IKZF4: variants seen among roughly 807,000 people sequenced by gnomAD.
The protein encoded by IKZF4 is IKAROS family zinc finger 4.
In IKZF4, 11 loss-of-function variants were observed where a neutral mutation model predicts 47.7. That is an observed-to-expected ratio of 0.23 (90% CI 0.15 to 0.38). The LOEUF (loss-of-function observed/expected upper bound fraction) is 0.38. Ranked by LOEUF, IKZF4 falls within the 10% of genes least tolerant of loss-of-function variation. The pLI is 1.00. For missense variants in IKZF4, 557 were observed against 784.9 expected (o/e 0.71, Z 3.47); for synonymous variants, 298 against 299.4 (o/e 1.00, Z 0.05).
chr12:56,032,643 C>T lies in IKZF4; in HGVS notation c.798C>T (p.His266=), dbSNP rs369671108. 3 of 1,613,928 alleles carry T rather than the reference C, an allele frequency of 1.9e-6. No homozygotes were observed. The highest frequency in any genetic ancestry group is 2.5e-6 in the Non-Finnish European group (3 of 1,179,916). The change falls in exon 6 of 8, where the codon CAC becomes CAT. Residue 266 remains histidine (H), a synonymous_variant. Transcript: ENST00000547167. ...AACAGCAGAGTACCCTGGAGGAGCA[C>T]AAGGAGCGGTGCCATAACTACCTAC... ...SYKQQSTLEE[H]KERCHNYLQS...
chr12:56,023,793 G>T (rs750120955), intron 2 of IKZF4, 29 bp downstream of exon 2: 1 of 1,607,724 alleles, frequency 6.2e-7, no homozygotes, highest in Non-Finnish European at 8.5e-7. Context: ...GGGCAATTGG[G>T]TAAAGTACTA....
At chr12:56,026,478 T>C (rs1372693160) in intron 3 of IKZF4, among the ~76,000 whole-genome samples, 1 of 151,562 alleles carries the variant, frequency 6.6e-6, no homozygotes. Flanking sequence ...TCACCTGAGG[T>C]TGGAAGTTCG....
rs190765857 is a variant in IKZF4 at position 56,027,482 on chromosome 12, G to C, written c.548-298G>C. Among the ~76,000 whole-genome samples, 529 of 152,218 alleles carry C rather than the reference G, an allele frequency of 3.5e-3. 7 individuals carry two copies. Among genetic ancestry groups the C allele is most frequent in the Non-Finnish European group, 3.7e-3 (250 of 68,006 alleles). On this transcript the variant is annotated intron_variant, in intron 4 of 7. Coordinates refer to ENST00000547167, the MANE Select transcript of IKZF4 (RefSeq NM_022465.4). The stretch of plus-strand genomic sequence containing the variant: ...TCTCTTCTCAGCTTCCTTGGGCCTT[G>C]GGCTCCTAGGGCAGAGTGGGCCCTG...
chr12:56,027,983 T>G, intron 5 of IKZF4, 36 bp downstream of exon 5: 2 of 1,520,950 alleles, frequency 1.3e-6, no homozygotes, highest in Non-Finnish European at 1.8e-6. Context: ...GGAATGAGGC[T>G]CCAACACACC....
intron 6 of IKZF4, 116 bp from the exon 7 acceptor site, chr12:56,033,074 G>A: frequency 3.2e-6 from 4 of 1,260,326 alleles, no homozygotes; most frequent in Non-Finnish European, 4.4e-6. Flanking sequence ...AGTTTCCCAG[G>A]CAACTGGTAT....
At chr12:56,034,161 A>G (rs747390563) in intron 7 of IKZF4, among the ~76,000 whole-genome samples, 26 of 152,222 alleles carry the variant, frequency 1.7e-4, no homozygotes, top group Non-Finnish European at 2.5e-4. Flanking sequence ...TCAGCCTCCC[A>G]AAGTGCTGGG....
upstream of IKZF4, among the ~76,000 whole-genome samples, chr12:56,017,802 A>G (rs1009477742): frequency 1.3e-4 from 20 of 152,038 alleles, no homozygotes; most frequent in African/African-American, 4.6e-4. Flanking sequence ...TGATCCTCCC[A>G]CCTCAGCCTC....
intron 2 of IKZF4, chr12:56,024,610 T>C: frequency 9.8e-7 from 1 of 1,015,484 alleles, no homozygotes; most frequent in Non-Finnish European, 1.2e-6. Flanking sequence ...GCTATGATGA[T>C]TACTAATATT....
chr12:56,035,384 T>C lies in IKZF4; in HGVS notation c.*53T>C. The C allele has an allele frequency of 6.5e-7, 1 of 1,550,036 alleles. No individual in the cohort carries two copies. Among genetic ancestry groups the C allele is most frequent in the East Asian group, 2.2e-5 (1 of 44,538 alleles). On this transcript the variant is annotated 3_prime_UTR_variant, in exon 8 of 8. Coordinates refer to ENST00000547167, the MANE Select transcript of IKZF4 (RefSeq NM_022465.4). This position sits in a 1 kb window ranked among gnomAD's most constrained non-coding sequence, Gnocchi z 6.1. ...CACTCCACTGCCCTGACTACAGGCA[T>C]TGATCCCTGTCCCCACCATTTCCCA...
chr12:56,017,625 G>A (rs1892288110), upstream of IKZF4, among the ~76,000 whole-genome samples: 1 of 152,176 alleles, frequency 6.6e-6, no homozygotes, highest in South Asian at 2.1e-4. Context: ...GAGGCCTGCA[G>A]AAGTTGTAAA....
At chr12:56,017,328 A>G (rs1447626491), upstream of IKZF4, among the ~76,000 whole-genome samples, 1 of 141,066 alleles carries the variant, frequency 7.1e-6, no homozygotes, top group Non-Finnish European at 1.5e-5. Flanking sequence ...TGTTTATTAC[A>G]CCTTCAGTAG....
In IKZF4 at chr12:56,025,118, C is replaced by G. The variant is rs768663667; in HGVS notation, c.246C>G (p.Thr82=). ...LGAPVGPSVS[T]PNSQHSSPSR... Reference sequence around the variant, plus strand: ...CCCCAGTGGGGCCCTCGGTGAGCACCCCCAACAGCCAGCACTCTTCTCCTA... The same window carrying G: ...CCCCAGTGGGGCCCTCGGTGAGCACGCCCAACAGCCAGCACTCTTCTCCTA... The change falls in exon 3 of 8, where the codon ACC becomes ACG. Residue 82 remains threonine, a synonymous_variant. Coordinates refer to ENST00000547167, the MANE Select transcript of IKZF4 (RefSeq NM_022465.4). 6.2e-7 allele frequency: 1 copy of G among 1,604,758 alleles called. No individual in the cohort carries two copies. The highest frequency in any genetic ancestry group is 8.5e-7 in the Non-Finnish European group (1 of 1,176,088).
chr12:56,012,050 T>C (rs577514052), intron 2 of IKZF4, among the ~76,000 whole-genome samples: 1 of 152,226 alleles, frequency 6.6e-6, no homozygotes, highest in East Asian at 1.9e-4. Context: ...CCAAGGCACA[T>C]GGGAAGTTCT....
At chr12:56,020,984 G>GC (rs928168066), upstream of IKZF4, 1 of 1,035,966 alleles carries the variant, frequency 9.7e-7, no homozygotes, top group Non-Finnish European at 1.2e-6. Flanking sequence ...CTTCCCTAGG[G>GC]CCCCCCCTTT....
upstream of IKZF4, among the ~76,000 whole-genome samples, chr12:56,017,500 G>A (rs1040742344): frequency 6.6e-6 from 1 of 151,914 alleles, no homozygotes; most frequent in Non-Finnish European, 1.5e-5. Context: ...GCCTCTAAGG[G>A]GCTGTTTCTT....
At chr12:56,019,152 A>C (rs1048990464), upstream of IKZF4, among the ~76,000 whole-genome samples, 6 of 152,320 alleles carry the variant, frequency 3.9e-5, no homozygotes, top group African/African-American at 1.4e-4. Flanking sequence ...GGTTGCAGTG[A>C]GCTGAGATCA....
rs138553631 is a variant in IKZF4, at chr12:56,021,401, C to T, written c.-93C>T. 6.5e-6 allele frequency: 10 copies of T among 1,550,236 alleles called. No homozygotes were observed. Among genetic ancestry groups the T allele is most frequent in the Middle Eastern group, 1.7e-4 (1 of 5,898 alleles). On this transcript the variant is annotated 5_prime_UTR_variant, in exon 1 of 8. Coordinates refer to ENST00000547167, the MANE Select transcript of IKZF4 (RefSeq NM_022465.4). ...CTCACCGTGCCGCTGCTGCTGCCTG[C>T]GAAATGACGGCGGTTCCCCTCACTT...
At chr12:56,019,974 A>T (rs954709114), upstream of IKZF4, among the ~76,000 whole-genome samples, 1 of 152,256 alleles carries the variant, frequency 6.6e-6, no homozygotes, top group South Asian at 2.1e-4. Context: ...GAGAAAGTCA[A>T]AGTAAGGCTA....
At chr12:56,021,805 G>A (rs770088502) in intron 1 of IKZF4, 18 of 655,294 alleles carry the variant, frequency 2.7e-5, no homozygotes, top group Non-Finnish European at 4.1e-5. Context: ...AAGCAAAGAC[G>A]GCGACTTGGA....
Sources: gnomAD v4.1 joint callset for allele counts (sites outside exome capture counted in the v4.1 genomes callset) on GRCh38, gnomAD v4.1.1 for gene constraint, Gnocchi (gnomAD v3.1) non-coding constraint, MANE v1.5 for transcripts, NCBI Gene and HGNC (gene_info 2026-07-23, HGNC 2026-07-21) for gene names.